FRMD4A: variants seen among roughly 807,000 people sequenced by gnomAD.
FRMD4A encodes the protein FERM domain containing 4A.
FRMD4A carries 29 observed loss-of-function variants against 129.1 expected under a neutral mutation model. The observed-to-expected ratio is 0.22, with a 90% confidence interval of 0.17 to 0.31. The LOEUF is 0.31. Among genes scored for constraint, FRMD4A ranks in the 10% least tolerant of loss-of-function variants. FRMD4A has a pLI of 1.00. For synonymous variants in FRMD4A, 634 were observed against 571.6 expected (o/e 1.11, Z -1.56); for missense variants, 1,272 against 1,375.8 (o/e 0.92, Z 1.19).
At chr10:13,731,420 G>T (rs533069371) in intron 12 of FRMD4A, among the ~76,000 whole-genome samples, 3 of 152,146 alleles carry the variant, frequency 2.0e-5, no homozygotes, top group Non-Finnish European at 1.5e-5. Flanking sequence ...AGGCCAAGGT[G>T]GGGGGATCCC....
chr10:14,233,560 T>C (rs1313211879), intron 2 of FRMD4A, among the ~76,000 whole-genome samples: 1 of 152,082 alleles, frequency 6.6e-6, no homozygotes, highest in African/African-American at 2.4e-5. Flanking sequence ...AGGGACAGAG[T>C]GAGACTCCAT....
intron 2 of FRMD4A, among the ~76,000 whole-genome samples, chr10:14,011,248 G>C (rs925582040): frequency 2.0e-5 from 3 of 152,222 alleles, no homozygotes; most frequent in African/African-American, 4.8e-5. Context: ...GTCAATATAG[G>C]AAATTGTTAG....
At chr10:13,998,824 G>A in intron 2 of FRMD4A, among the ~76,000 whole-genome samples, 1 of 152,148 alleles carries the variant, frequency 6.6e-6, no homozygotes, top group Non-Finnish European at 1.5e-5. Context: ...GTAACCTCAT[G>A]CAACACCCTG....
In FRMD4A at chr10:14,201,871, C is replaced by T. The variant is rs147684093; in HGVS notation, c.45+128187G>A. ...GGAGGCTGGGTGCGGTGGCTCATGC[C>T]TGTAATCCCAGCACTTTGGGAGGCT... On this transcript the variant is annotated intron_variant, in intron 2 of 24. Coordinates refer to ENST00000357447, the MANE Select transcript of FRMD4A (RefSeq NM_018027.5). Among the ~76,000 whole-genome samples the T allele has an allele frequency of 2.2e-4, 34 of 152,228 alleles. No homozygotes were observed. In the East Asian group the frequency reaches 5.8e-3, roughly 26 times the overall value.
intron 12 of FRMD4A, among the ~76,000 whole-genome samples, chr10:13,733,420 C>T (rs1445049718): frequency 6.6e-6 from 1 of 151,690 alleles, no homozygotes; most frequent in Non-Finnish European, 1.5e-5. Context: ...TGCTTTCCCT[C>T]AAGGGCTTTT....
At chr10:13,796,363 C>T in intron 5 of FRMD4A, 133 bp downstream of exon 5, 2 of 664,890 alleles carry the variant, frequency 3.0e-6, no homozygotes, top group East Asian at 2.6e-5. Context: ...GCATGCAGCT[C>T]TACTACAACC....
intron 6 of FRMD4A, among the ~76,000 whole-genome samples, chr10:13,779,146 A>AT (rs1283193426): frequency 6.6e-6 from 1 of 152,068 alleles, no homozygotes; most frequent in Non-Finnish European, 1.5e-5. Flanking sequence ...GTGAAACCCC[A>AT]TCTCTACTAA....
chr10:14,014,533 T>G (rs1381620999), intron 2 of FRMD4A, among the ~76,000 whole-genome samples: 1 of 152,174 alleles, frequency 6.6e-6, no homozygotes, highest in Admixed American at 6.5e-5. Flanking sequence ...GCCTAGGTAA[T>G]TCATGTCACG....
chr10:14,127,905 GCTTTCTTTCTTTCTTT>G (rs1469644425), intron 2 of FRMD4A, among the ~76,000 whole-genome samples: 2 of 136,480 alleles, frequency 1.5e-5, no homozygotes, highest in African/African-American at 5.8e-5. Context: ...TTTATATTTT[GCTTTCTTTCTTTCTTT>G]CTTTCTTTCT....
intron 2 of FRMD4A, among the ~76,000 whole-genome samples, chr10:14,036,257 A>C (rs1323230726): frequency 1.3e-5 from 2 of 152,280 alleles, no homozygotes; most frequent in East Asian, 3.9e-4. Context: ...CAGTAAGTGA[A>C]AGATGGCAAG....
chr10:13,663,189 CA>C (rs35995959), intron 19 of FRMD4A, among the ~76,000 whole-genome samples: 69,394 of 130,986 alleles, frequency 0.53, 16,867 homozygotes, highest in African/African-American at 0.63. Context: ...GACCCTGTCT[CA>C]AAAAAAAAAA....
chr10:14,330,911 C>T lies in FRMD4A; in HGVS notation c.-396G>A, dbSNP rs542768595. 1.0e-5 allele frequency: 4 copies of T among 398,580 alleles called. No individual in the cohort carries two copies. Among genetic ancestry groups the T allele is most frequent in the South Asian group, 2.5e-4 (2 of 7,850 alleles). 24.7% of individuals were successfully genotyped at this position (398,580 alleles called of 1,614,324 possible). A position where few individuals can be genotyped will look rare whatever the true frequency, so the allele number is the denominator to read the frequency against. Reference sequence around the variant, plus strand: ...GATCTCCCTGGCTGTACCACATGTACGCCGCATACAGACACACTCTACCTC... The same window carrying T: ...GATCTCCCTGGCTGTACCACATGTATGCCGCATACAGACACACTCTACCTC... On this transcript the variant is annotated 5_prime_UTR_variant, in exon 1 of 25. Transcript: ENST00000357447.
At chr10:14,008,013 C>A in intron 2 of FRMD4A, 1 of 1,289,810 alleles carries the variant, frequency 7.8e-7, no homozygotes, top group Non-Finnish European at 1.0e-6. Flanking sequence ...AAACATCTTC[C>A]TGTCTTTGGA....
At chr10:13,815,991 C>A (rs2093535960) in intron 3 of FRMD4A, among the ~76,000 whole-genome samples, 1 of 152,172 alleles carries the variant, frequency 6.6e-6, no homozygotes, top group Admixed American at 6.5e-5. Context: ...CTTGGTGACT[C>A]ATAAACTGAA....
chr10:14,330,580 T>C lies in FRMD4A; in HGVS notation c.-82+17A>G, dbSNP rs1023386237. 5 of 405,406 alleles carry C rather than the reference T, an allele frequency of 1.2e-5. No individual in the cohort carries two copies. The highest frequency in any genetic ancestry group is 6.1e-5 in the African/African-American group (3 of 48,844). 25.1% of individuals were successfully genotyped at this position (405,406 alleles called of 1,614,324 possible). A position where few individuals can be genotyped will look rare whatever the true frequency, so the allele number is the denominator to read the frequency against. On this transcript the variant is annotated intron_variant, in intron 1 of 24. Transcript: ENST00000357447. ...CAGCAATTCTGCTGCATAAACATGC[T>C]GAATGTCACAACATACCGCTCGCAA...
chr10:13,965,094 G>C (rs1014038217), intron 2 of FRMD4A, among the ~76,000 whole-genome samples: 67 of 145,068 alleles, frequency 4.6e-4, no homozygotes, highest in Admixed American at 9.4e-4. Context: ...ATTCAGCTAA[G>C]GAGAAGAATG....
At chr10:14,117,156 GA>G (rs1838239754) in intron 2 of FRMD4A, among the ~76,000 whole-genome samples, 1 of 152,238 alleles carries the variant, frequency 6.6e-6, no homozygotes, top group Non-Finnish European at 1.5e-5. Context: ...ATCCTTGCAT[GA>G]GGAAGTTTGT....
At chr10:14,174,806 G>A (rs1841645675) in intron 2 of FRMD4A, among the ~76,000 whole-genome samples, 1 of 151,872 alleles carries the variant, frequency 6.6e-6, no homozygotes, top group African/African-American at 2.4e-5. Flanking sequence ...TCTTTTTAGA[G>A]AAAGTTTCAA....
rs550004311 is a variant in FRMD4A at position 14,053,472 on chromosome 10, G to C, written c.46-194560C>G. 3.9e-5 allele frequency among the ~76,000 whole-genome samples: 6 copies of C among 152,252 alleles called. No homozygotes were observed. In the East Asian group the frequency reaches 1.2e-3, roughly 29 times the overall value. On this transcript the variant is annotated intron_variant, in intron 2 of 24. Transcript: ENST00000357447. The stretch of plus-strand genomic sequence containing the variant: ...GCCCAGCCCTGCTGATCTACCCCCA[G>C]TGGAAGCTGGAATGCTCTCATTTTC...
Sources: gnomAD v4.1 joint callset for allele counts (sites outside exome capture counted in the v4.1 genomes callset) on GRCh38, gnomAD v4.1.1 for gene constraint, MANE v1.5 for transcripts, NCBI Gene and HGNC (gene_info 2026-07-23, HGNC 2026-07-21) for gene names.